The following SOX17 variants were observed in gnomAD, a reference collection of about 807,000 sequenced individuals.
The protein encoded by SOX17 is SRY-box transcription factor 17.
In SOX17, 4 loss-of-function variants were observed where a neutral mutation model predicts 16.0. The ratio of observed to expected loss-of-function variants is 0.25; its 90% confidence interval spans 0.12 to 0.57. SOX17 has a LOEUF of 0.57. SOX17 is among the 20% of genes least tolerant of loss of function. The pLI is 0.92. For missense variants in SOX17, 633 were observed against 609.7 expected, an observed-to-expected ratio of 1.04 and a Z score of -0.40; for synonymous variants, 357 against 284.6, an observed-to-expected ratio of 1.25 and a Z score of -2.56.
intron 1 of SOX17, 79 bp downstream of exon 1, chr8:54,458,524 T>A (rs1804674685): frequency 1.3e-6 from 2 of 1,537,784 alleles, no homozygotes; most frequent in Admixed American, 3.8e-5. Context: ...CCCAAACTGT[T>A]CTTTGCGAGC....
chr8:54,459,602 G>C lies in SOX17; in HGVS notation c.852G>C (p.Pro284=), dbSNP rs1441052427. 5 of 1,540,742 alleles carry C rather than the reference G, an allele frequency of 3.2e-6. No individual in the cohort carries two copies. The highest frequency in any genetic ancestry group is 2.4e-5 in the South Asian group (2 of 84,328). ...CAGAGCCCGCGGGTCCCTCGATTCC[G>C]GGCCTCCTGGCGCCACCCAGCGCCC... ...LGPEPAGPSI[P]GLLAPPSALH... is the part of the protein sequence containing the mutation. Residue 284 remains proline, a synonymous_variant, in exon 2 of 2, where the codon CCG becomes CCC. Transcript: ENST00000297316.
Position 54,458,044 on chromosome 8 carries a change from C to A in SOX17, c.-95C>A. On this transcript the variant is annotated 5_prime_UTR_variant, in exon 1 of 2. Coordinates refer to ENST00000297316, the MANE Select transcript of SOX17 (RefSeq NM_022454.4). ...CGGGAGACCCGCGCAGCCCTCGGGG[C>A]ATCTCAGTGCCTCACTCCCCACCCC... 3.7e-6 allele frequency: 5 copies of A among 1,346,438 alleles called. No homozygotes were observed. Among genetic ancestry groups the A allele is most frequent in the South Asian group, 1.6e-5 (1 of 63,288 alleles). 83.4% of individuals were successfully genotyped at this position (1,346,438 alleles called of 1,614,324 possible).
Position 54,460,615 on chromosome 8 carries a change from T to A in SOX17, c.*620T>A, listed in dbSNP as rs1804727539. On this transcript the variant is annotated 3_prime_UTR_variant, in exon 2 of 2. Transcript: ENST00000297316. ...TTCAAGTAATCTTAGTTTCTAAAAC[T>A]AACAGTTAATATTTTCAATTCCAGT... 4.3e-6 allele frequency: 1 copy of A among 232,896 alleles called. No homozygotes were observed. Among genetic ancestry groups the A allele is most frequent in the Non-Finnish European group, 8.5e-6 (1 of 117,986 alleles). The allele number at this position is 232,896 out of a possible 1,614,324, so 14.4% of individuals were successfully genotyped here.
rs1333474421 is a variant in SOX17 at position 54,458,040 on chromosome 8, G to C, written c.-99G>C. 1.6e-5 allele frequency: 22 copies of C among 1,338,918 alleles called. No individual in the cohort carries two copies. Among genetic ancestry groups the C allele is most frequent in the Non-Finnish European group, 2.1e-5 (22 of 1,025,012 alleles). The allele number at this position is 1,338,918 out of a possible 1,614,324, so 82.9% of individuals were successfully genotyped here. A position where few individuals can be genotyped will look rare whatever the true frequency, so the allele number is the denominator to read the frequency against. Reference sequence around the variant, plus strand: ...GGGCCGGGAGACCCGCGCAGCCCTCGGGGCATCTCAGTGCCTCACTCCCCA... The same window carrying C: ...GGGCCGGGAGACCCGCGCAGCCCTCCGGGCATCTCAGTGCCTCACTCCCCA... On this transcript the variant is annotated 5_prime_UTR_variant, in exon 1 of 2. Transcript: ENST00000297316.
chr8:54,458,083 G>A lies in SOX17; in HGVS notation c.-56G>A. On this transcript the variant is annotated 5_prime_UTR_variant, in exon 1 of 2. Coordinates refer to ENST00000297316, the MANE Select transcript of SOX17 (RefSeq NM_022454.4). ...ACTCCCCACCCCCTCCCCCGGGTCG[G>A]GGGAGGCGGCGCGTCCGGCGGAGGG... 2.8e-6 allele frequency: 4 copies of A among 1,430,970 alleles called. No individual in the cohort carries two copies. Among genetic ancestry groups the A allele is most frequent in the Non-Finnish European group, 1.8e-6 (2 of 1,099,636 alleles). 88.6% of individuals were successfully genotyped at this position (1,430,970 alleles called of 1,614,324 possible). A position where few individuals can be genotyped will look rare whatever the true frequency, so the allele number is the denominator to read the frequency against.
intron 1 of SOX17, 89 bp downstream of exon 1, chr8:54,458,534 C>G: frequency 4.0e-6 from 6 of 1,502,098 alleles, no homozygotes; most frequent in Non-Finnish European, 5.4e-6. Flanking sequence ...TCTTTGCGAG[C>G]CTGACGCCCA....
chr8:54,459,359 C>A lies in SOX17; in HGVS notation c.609C>A (p.Tyr203Ter). 6.4e-7 allele frequency: 1 copy of A among 1,557,934 alleles called. No individual in the cohort carries two copies. The highest frequency in any genetic ancestry group is 1.8e-5 in the Admixed American group (1 of 56,090). Residue 203 changes from tyrosine (Y) to a stop codon, truncating the protein, a stop_gained, in exon 2 of 2, where the codon TAC becomes TAA. Transcript: ENST00000297316. LOFTEE classifies it low-confidence loss of function (END_TRUNC). Reference protein sequence around the residue: ...PLLPPHMGGHYRDCQSLGAPP... With the variant: ...PLLPPHMGGH ...TGCCTCCGCACATGGGCGGCCACTA[C>A]CGCGACTGCCAGAGTCTGGGCGCGC...
intron 1 of SOX17, among the ~76,000 whole-genome samples, chr8:54,458,685 A>G (rs1804677698): frequency 6.6e-6 from 1 of 152,180 alleles, no homozygotes; most frequent in Non-Finnish European, 1.5e-5. Flanking sequence ...GCGCGGGTCC[A>G]ACGGCTCTGG....
At position 54,458,171 on chromosome 8, in the gene SOX17, C is replaced by A. The variant is rs1400191088; in HGVS notation, c.33C>A (p.Asp11Glu). ...GCCCGGATGCGGGATACGCCAGTGA[C>A]GACCAGAGCCAGACCCAGAGCGCGC... MSSPDAGYAS[D>E]DQSQTQSALP... Residue 11 changes from aspartate to glutamate, a missense_variant, in exon 1 of 2, where the codon GAC becomes GAA. Physicochemically the swap from Asp to Glu is conservative, Grantham distance 45 (BLOSUM62 2). This residue lies in a region of SOX17 where 94 missense variants were observed against 98.7 expected (regional missense o/e 0.95). Transcript: ENST00000297316. 6.3e-7 allele frequency: 1 copy of A among 1,582,520 alleles called. No homozygotes were observed. The highest frequency in any genetic ancestry group is 1.8e-5 in the Admixed American group (1 of 56,856).
In SOX17 at chr8:54,459,497, C is replaced by G; in HGVS notation, c.747C>G (p.Gly249=). The G allele has an allele frequency of 6.6e-7, 1 of 1,526,168 alleles. No individual in the cohort carries two copies. The highest frequency in any genetic ancestry group is 1.4e-5 in the African/African-American group (1 of 71,370). 94.5% of individuals were successfully genotyped at this position (1,526,168 alleles called of 1,614,324 possible). Residue 249 remains glycine (G), a synonymous_variant, in exon 2 of 2, where the codon GGC becomes GGG. Coordinates refer to ENST00000297316, the MANE Select transcript of SOX17 (RefSeq NM_022454.4). ...TGCCCGGGGACTGCCCGGCGGCCGGCACCTACAGCTACGCGCAGGTCTCGG... is the reference window on the plus strand; with the variant it reads ...TGCCCGGGGACTGCCCGGCGGCCGGGACCTACAGCTACGCGCAGGTCTCGG... ...APMPGDCPAA[G]TYSYAQVSDY...
rs1347567514 is a variant in SOX17, at chr8:54,459,049, A to G, written c.308-9A>G. 1.9e-6 allele frequency: 3 copies of G among 1,594,988 alleles called. No homozygotes were observed. Among genetic ancestry groups the G allele is most frequent in the Non-Finnish European group, 2.6e-6 (3 of 1,171,678 alleles). ...CTGCGCCCCTCTCCCCCTTCCTTCC[A>G]CTGTGCAGGCAAGTCGTGGAAGGCG... On this transcript the variant is annotated splice_polypyrimidine_tract_variant and intron_variant, in intron 1 of 1. Coordinates refer to ENST00000297316, the MANE Select transcript of SOX17 (RefSeq NM_022454.4).
rs1424518402 is a variant in SOX17 at position 54,459,745 on chromosome 8, A to G, written c.995A>G (p.Gln332Arg). 6.4e-7 allele frequency: 1 copy of G among 1,570,644 alleles called. No individual in the cohort carries two copies. Among genetic ancestry groups the G allele is most frequent in the Admixed American group, 1.8e-5 (1 of 54,280 alleles). Residue 332 changes from glutamine to arginine, a missense_variant, in exon 2 of 2, where the codon CAG becomes CGG. Coordinates refer to ENST00000297316, the MANE Select transcript of SOX17 (RefSeq NM_022454.4). ...CAGCACCACCCCCCGGGCCCCGGACAGCCGTCGCCCCCTCCGGAGGCACTG... is the reference window on the plus strand; with the variant it reads ...CAGCACCACCCCCCGGGCCCCGGACGGCCGTCGCCCCCTCCGGAGGCACTG... Reference protein sequence around the residue: ...QHQHHPPGPGQPSPPPEALPC... With the variant: ...QHQHHPPGPGRPSPPPEALPC...
intron 1 of SOX17, among the ~76,000 whole-genome samples, chr8:54,458,657 T>C (rs939129566): frequency 2.6e-5 from 4 of 151,920 alleles, no homozygotes; most frequent in Admixed American, 2.0e-4. Flanking sequence ...GGCTCCCGGA[T>C]TCCCCAGGTG....
chr8:54,458,472 G>C (rs1315073013), intron 1 of SOX17, 27 bp downstream of exon 1: 1 of 1,611,746 alleles, frequency 6.2e-7, no homozygotes, highest in Non-Finnish European at 8.5e-7. Flanking sequence ...GACCCAGGCG[G>C]CCGGGCGCGC....
chr8:54,458,806 T>C (rs977968779), intron 1 of SOX17, among the ~76,000 whole-genome samples: 24 of 152,174 alleles, frequency 1.6e-4, no homozygotes, highest in African/African-American at 5.5e-4. Flanking sequence ...CTTTTCTGTT[T>C]TTCGAACGAC....
Position 54,460,392 on chromosome 8 carries a change from C to T in SOX17, c.*397C>T. On this transcript the variant is annotated 3_prime_UTR_variant, in exon 2 of 2. Coordinates refer to ENST00000297316, the MANE Select transcript of SOX17 (RefSeq NM_022454.4). Reference sequence around the variant, plus strand: ...TCCTGCTTTTTTGCTCTACTAGTACCTCTGTCACACTAGTCTTATCAAAAA... The same window carrying T: ...TCCTGCTTTTTTGCTCTACTAGTACTTCTGTCACACTAGTCTTATCAAAAA... The T allele has an allele frequency of 1.7e-5, 6 of 353,794 alleles. No homozygotes were observed. Among genetic ancestry groups the T allele is most frequent in the Non-Finnish European group, 3.1e-5 (6 of 191,706 alleles). 21.9% of individuals were successfully genotyped at this position (353,794 alleles called of 1,614,324 possible).
Position 54,459,328 on chromosome 8 carries a change from C to T in SOX17, c.578C>T (p.Pro193Leu), listed in dbSNP as rs771845673. Residue 193 changes from proline to leucine, a missense_variant, in exon 2 of 2, where the codon CCG (proline) becomes CTG (leucine). This residue lies in a region of SOX17 where 479 missense variants were observed against 397.2 expected (regional missense o/e 1.21). Coordinates refer to ENST00000297316, the MANE Select transcript of SOX17 (RefSeq NM_022454.4). Reference sequence around the variant, plus strand: ...GAGCAGGGCTTCCCCGCCGGCCCGCCGCTGCTGCCTCCGCACATGGGCGGC... The same window carrying T: ...GAGCAGGGCTTCCCCGCCGGCCCGCTGCTGCTGCCTCCGCACATGGGCGGC... ...FPEQGFPAGP[P>L]LLPPHMGGHY... is the part of the protein sequence containing the mutation. 21 of 1,538,960 alleles carry T rather than the reference C, an allele frequency of 1.4e-5. No homozygotes were observed. Among genetic ancestry groups the T allele is most frequent in the Middle Eastern group, 1.8e-4 (1 of 5,694 alleles).
In SOX17 at chr8:54,459,097, C is replaced by T. The variant is rs1297812542; in HGVS notation, c.347C>T (p.Pro116Leu). 1 of 1,608,568 alleles carries T rather than the reference C, an allele frequency of 6.2e-7. No individual in the cohort carries two copies. The highest frequency in any genetic ancestry group is 1.1e-5 in the South Asian group (1 of 90,666). The change falls in exon 2 of 2, where the codon CCC becomes CTC. Residue 116 changes from proline (P) to leucine (L), a missense_variant. Physicochemically the swap from Pro to Leu is moderately conservative, Grantham distance 98 (BLOSUM62 -3). This residue lies in a region of SOX17 where 39 missense variants were observed against 46.5 expected (regional missense o/e 0.84). Coordinates refer to ENST00000297316, the MANE Select transcript of SOX17 (RefSeq NM_022454.4). ...WKALTLAEKR[P>L]FVEEAERLRV... Reference sequence around the variant, plus strand: ...GCGCTGACGCTGGCGGAGAAGCGGCCCTTCGTGGAGGAGGCAGAGCGGCTG... The same window carrying T: ...GCGCTGACGCTGGCGGAGAAGCGGCTCTTCGTGGAGGAGGCAGAGCGGCTG...
rs1416373847 is a variant in SOX17 at position 54,459,673 on chromosome 8, G to A, written c.923G>A (p.Gly308Glu). ...ATGGGCTCGCCCGGGGCGGGCGGCG[G>A]GCGCGGCTTCCAGATGCAGCCGCAA... is the stretch of plus-strand genomic sequence containing the variant. ...GAMGSPGAGG[G>E]RGFQMQPQHQ... Residue 308 changes from glycine (G) to glutamate (E), a missense_variant, in exon 2 of 2, where the codon GGG (glycine) becomes GAG (glutamate). Coordinates refer to ENST00000297316, the MANE Select transcript of SOX17 (RefSeq NM_022454.4). The A allele has an allele frequency of 1.3e-6, 2 of 1,536,964 alleles. No homozygotes were observed. Among genetic ancestry groups the A allele is most frequent in the Admixed American group, 2.0e-5 (1 of 50,984 alleles).
Sources: gnomAD v4.1 joint callset for allele counts (sites outside exome capture counted in the v4.1 genomes callset) on GRCh38, gnomAD v4.1.1 for gene constraint, gnomAD v4.1.1 regional missense constraint, MANE v1.5 for transcripts, NCBI Gene and HGNC (gene_info 2026-07-23, HGNC 2026-07-21) for gene names.